The following ULK4 variants were observed in gnomAD, a reference collection of about 807,000 sequenced individuals.
The protein encoded by ULK4 is inactive serine/threonine-protein kinase ULK4.
A neutral mutation model predicts 160.6 loss-of-function variants in ULK4; 133 were observed. The observed-to-expected ratio is 0.83, with a 90% CI of 0.72 to 0.96. The LOEUF (loss-of-function observed/expected upper bound fraction) is 0.96. ULK4 is among the 40% of genes least tolerant of loss of function. The pLI is 0.00. For synonymous variants in ULK4, 534 were observed against 539.8 expected, an observed-to-expected ratio of 0.99 and a Z score of 0.15; for missense variants, 1,580 against 1,499.5, an observed-to-expected ratio of 1.05 and a Z score of -0.89.
At chr3:41,893,091 C>T (rs886568935) in intron 16 of ULK4, among the ~76,000 whole-genome samples, 2 of 152,096 alleles carry the variant, frequency 1.3e-5, no homozygotes, top group Non-Finnish European at 2.9e-5. Context: ...TCACCATAAG[C>T]AAATTCACAA....
At chr3:41,869,350 G>C (rs936044002) in intron 17 of ULK4, among the ~76,000 whole-genome samples, 4 of 151,928 alleles carry the variant, frequency 2.6e-5, no homozygotes, top group African/African-American at 9.7e-5. Context: ...TAAGGCGGAT[G>C]AATCACCTGA....
Position 41,435,178 on chromosome 3 carries a change from T to C in ULK4, c.3492+20319A>G, listed in dbSNP as rs543521967. ...AGCAATTTATACATAAGTTTACTTCTCTGTAAAGTGGGTGGTTATCTGCTG... is the reference window on the plus strand; with the variant it reads ...AGCAATTTATACATAAGTTTACTTCCCTGTAAAGTGGGTGGTTATCTGCTG... On this transcript the variant is annotated intron_variant, in intron 34 of 36. Coordinates refer to ENST00000301831, the MANE Select transcript of ULK4 (RefSeq NM_017886.4). Among the ~76,000 whole-genome samples the C allele has an allele frequency of 2.6e-5, 4 of 152,322 alleles. No individual in the cohort carries two copies. In the South Asian group the frequency reaches 6.2e-4, roughly 24 times the overall value.
intron 31 of ULK4, among the ~76,000 whole-genome samples, chr3:41,596,672 T>C (rs1575465550): frequency 6.6e-6 from 1 of 152,108 alleles, no homozygotes; most frequent in East Asian, 1.9e-4. Flanking sequence ...GGTAGTTCAA[T>C]TATGATAGAT....
At chr3:41,496,600 G>C (rs1329950991) in intron 32 of ULK4, among the ~76,000 whole-genome samples, 1 of 152,056 alleles carries the variant, frequency 6.6e-6, no homozygotes, top group Non-Finnish European at 1.5e-5. Context: ...AAAGAAAATG[G>C]AGCTGCTCAG....
intron 22 of ULK4, among the ~76,000 whole-genome samples, chr3:41,749,712 T>C (rs2038550407): frequency 6.6e-6 from 1 of 152,152 alleles, no homozygotes; most frequent in Admixed American, 6.5e-5. Context: ...GAAGACATAA[T>C]TAAAGTCCCA....
intron 18 of ULK4, among the ~76,000 whole-genome samples, chr3:41,820,029 C>A (rs568230872): frequency 2.0e-5 from 3 of 152,182 alleles, no homozygotes; most frequent in African/African-American, 7.2e-5. Flanking sequence ...AGCAATAATT[C>A]TCTCCCAGAA....
intron 35 of ULK4, among the ~76,000 whole-genome samples, chr3:41,272,206 T>C (rs1344573642): frequency 6.6e-6 from 1 of 152,178 alleles, no homozygotes; most frequent in Non-Finnish European, 1.5e-5. Context: ...TGTGAGCCAC[T>C]GTGCCTGGCC....
At chr3:41,793,874 C>T (rs1168450829) in intron 20 of ULK4, among the ~76,000 whole-genome samples, 1 of 152,152 alleles carries the variant, frequency 6.6e-6, no homozygotes, top group African/African-American at 2.4e-5. Flanking sequence ...TGCTGCCACT[C>T]CTGAGTGGAA....
At chr3:41,792,155 T>C (rs1206220105) in intron 20 of ULK4, among the ~76,000 whole-genome samples, 1 of 152,142 alleles carries the variant, frequency 6.6e-6, no homozygotes, top group Non-Finnish European at 1.5e-5. Flanking sequence ...GTATCAATAG[T>C]AGTAATATCT....
At chr3:41,922,621 G>A (rs1296330217) in intron 5 of ULK4, among the ~76,000 whole-genome samples, 2 of 147,230 alleles carry the variant, frequency 1.4e-5, no homozygotes, top group Admixed American at 1.4e-4. Flanking sequence ...GGTGAGGGGG[G>A]TGGCAAGGTG....
intron 34 of ULK4, among the ~76,000 whole-genome samples, chr3:41,447,299 A>G (rs570857767): frequency 6.6e-6 from 1 of 152,218 alleles, no homozygotes; most frequent in African/African-American, 2.4e-5. Flanking sequence ...CTTCTGAAAG[A>G]GGGCTTGAAA....
chr3:41,435,267 T>A (rs1355871594), intron 34 of ULK4, among the ~76,000 whole-genome samples: 3 of 152,194 alleles, frequency 2.0e-5, no homozygotes, highest in Admixed American at 2.0e-4. Flanking sequence ...AAGAAATGAA[T>A]CTCACATCTC....
At chr3:41,850,730 T>G (rs2042190404) in intron 17 of ULK4, among the ~76,000 whole-genome samples, 1 of 152,208 alleles carries the variant, frequency 6.6e-6, no homozygotes, top group African/African-American at 2.4e-5. Flanking sequence ...ATGAGTAGGT[T>G]GCAAAAATTT....
At chr3:41,646,582 C>A (rs2034503197) in intron 30 of ULK4, among the ~76,000 whole-genome samples, 2 of 152,192 alleles carry the variant, frequency 1.3e-5, no homozygotes, top group Admixed American at 6.5e-5. Context: ...TGATGGGCTT[C>A]CCTTTGTGGG....
chr3:41,674,333 T>A (rs571498085), intron 29 of ULK4, among the ~76,000 whole-genome samples: 10 of 150,764 alleles, frequency 6.6e-5, no homozygotes, highest in African/African-American at 2.4e-4. Context: ...ATTAAACTTC[T>A]GAGAGGTGCT....
intron 22 of ULK4, among the ~76,000 whole-genome samples, chr3:41,739,724 A>C (rs1033557773): frequency 6.6e-6 from 1 of 151,900 alleles, no homozygotes; most frequent in African/African-American, 2.4e-5. Flanking sequence ...ATGTTTCTCC[A>C]AATGTCAACA....
At chr3:41,666,912 G>C (rs145600919) in intron 29 of ULK4, among the ~76,000 whole-genome samples, 1 of 152,152 alleles carries the variant, frequency 6.6e-6, no homozygotes, top group South Asian at 2.1e-4. Flanking sequence ...GGGAGGCCAA[G>C]GTGGGAGAAT....
At chr3:41,571,879 T>A (rs2087987610) in intron 31 of ULK4, among the ~76,000 whole-genome samples, 2 of 152,260 alleles carry the variant, frequency 1.3e-5, no homozygotes, top group African/African-American at 4.8e-5. Flanking sequence ...CAAGGAGAGA[T>A]GAAAGCAGGT....
intron 17 of ULK4, among the ~76,000 whole-genome samples, chr3:41,856,561 ACAC>A (rs2042354795): frequency 2.9e-5 from 1 of 34,108 alleles, no homozygotes; most frequent in Non-Finnish European, 4.7e-5. Context: ...GTATATATAT[ACAC>A]ATATATATAT....
Sources: gnomAD v4.1 joint callset for allele counts (sites outside exome capture counted in the v4.1 genomes callset) on GRCh38, gnomAD v4.1.1 for gene constraint, MANE v1.5 for transcripts, NCBI Gene and HGNC (gene_info 2026-07-23, HGNC 2026-07-21) for gene names.